SIPA1L3: variants seen among roughly 807,000 people sequenced by gnomAD.
SIPA1L3 encodes the protein signal induced proliferation associated 1 like 3.
A neutral mutation model predicts 150.1 loss-of-function variants in SIPA1L3; 59 were observed. The ratio of observed to expected loss-of-function variants is 0.39; its 90% CI spans 0.32 to 0.49. The LOEUF (loss-of-function observed/expected upper bound fraction) is 0.49. Ranked by LOEUF, SIPA1L3 falls within the 20% of genes least tolerant of loss-of-function variation. The pLI is 0.86. For missense variants in SIPA1L3, 2,211 were observed against 2,489.5 expected, an observed-to-expected ratio of 0.89 and a Z score of 2.38; for synonymous variants, 1,070 against 1,077.6, an observed-to-expected ratio of 0.99 and a Z score of 0.14.
intron 1 of SIPA1L3, among the ~76,000 whole-genome samples, chr19:37,973,534 C>CAAA (rs59279280): frequency 1.9e-5 from 1 of 51,512 alleles, no homozygotes; most frequent in Non-Finnish European, 3.4e-5. Context: ...TGTGCCTGGC[C>CAAA]AAAAAAAAAA....
chr19:38,140,960 A>G (rs1470627888), intron 10 of SIPA1L3, among the ~76,000 whole-genome samples: 1 of 148,830 alleles, frequency 6.7e-6, no homozygotes, highest in Non-Finnish European at 1.5e-5. Flanking sequence ...CAGGAGGCTG[A>G]GGCACGAGAA....
chr19:37,968,148 A>C (rs1274140267), intron 1 of SIPA1L3, among the ~76,000 whole-genome samples: 1 of 140,786 alleles, frequency 7.1e-6, no homozygotes, highest in Non-Finnish European at 1.5e-5. Context: ...ATCTCAGCTC[A>C]TGCAACCTCT....
chr19:37,980,900 G>A lies in SIPA1L3; in HGVS notation c.-378-48189G>A, dbSNP rs570751868. On this transcript the variant is annotated intron_variant, in intron 1 of 21. Coordinates refer to ENST00000222345, the MANE Select transcript of SIPA1L3 (RefSeq NM_015073.3). Reference sequence around the variant, plus strand: ...CTGGTGTCTGGGAGGTTTCAGGCCTGTTCCTCCTGCCTCCTCAGTTCTTTC... The same window carrying A: ...CTGGTGTCTGGGAGGTTTCAGGCCTATTCCTCCTGCCTCCTCAGTTCTTTC... Among the ~76,000 whole-genome samples the A allele has an allele frequency of 1.0e-3, 153 of 152,228 alleles. 1 individual carries two copies. Among genetic ancestry groups the A allele is most frequent in the Non-Finnish European group, 9.4e-4 (64 of 68,040 alleles).
chr19:37,907,992 T>TG (rs1442287313), intron 1 of SIPA1L3: 1 of 152,244 alleles, frequency 6.6e-6, no homozygotes, highest in Non-Finnish European at 1.5e-5. Context: ...TTCACCTCTC[T>TG]GTGCCTTGGT....
intron 1 of SIPA1L3, among the ~76,000 whole-genome samples, chr19:37,911,453 C>T (rs1274600280): frequency 6.6e-6 from 1 of 152,050 alleles, no homozygotes; most frequent in Non-Finnish European, 1.5e-5. Context: ...TGCAGAGAGA[C>T]CACGCTTTAT....
At chr19:38,089,845 G>T (rs959593637) in intron 4 of SIPA1L3, among the ~76,000 whole-genome samples, 21 of 152,208 alleles carry the variant, frequency 1.4e-4, no homozygotes, top group African/African-American at 5.1e-4. Flanking sequence ...TAGGGGTAGG[G>T]CAAACTTCCG....
intron 1 of SIPA1L3, among the ~76,000 whole-genome samples, chr19:37,947,840 A>G (rs561739627): frequency 1.3e-5 from 2 of 152,262 alleles, no homozygotes; most frequent in South Asian, 2.1e-4. Context: ...TTTCTTGCCA[A>G]ATCTCCCTTT....
At chr19:37,927,520 TCGTG>T (rs761107073) in intron 1 of SIPA1L3, among the ~76,000 whole-genome samples, 2 of 125,346 alleles carry the variant, frequency 1.6e-5, no homozygotes, top group Non-Finnish European at 1.7e-5. Context: ...TGTCTGTTGT[TCGTG>T]TGTGTGTGTG....
chr19:38,083,352 T>C (rs1029341027), intron 3 of SIPA1L3, among the ~76,000 whole-genome samples: 1 of 152,160 alleles, frequency 6.6e-6, no homozygotes, highest in Non-Finnish European at 1.5e-5. Flanking sequence ...TCAGCACATA[T>C]GGACTTGGGG....
chr19:38,006,599 G>A (rs1368502932), intron 1 of SIPA1L3, among the ~76,000 whole-genome samples: 2 of 152,284 alleles, frequency 1.3e-5, no homozygotes, highest in East Asian at 3.9e-4. Context: ...AAATCATGCC[G>A]AGATACTACT....
intron 1 of SIPA1L3, among the ~76,000 whole-genome samples, chr19:37,999,190 T>G (rs1000389547): frequency 6.6e-6 from 1 of 152,140 alleles, no homozygotes; most frequent in Non-Finnish European, 1.5e-5. Flanking sequence ...GGACAGATAG[T>G]GGATTTCAGG....
intron 1 of SIPA1L3, among the ~76,000 whole-genome samples, chr19:38,008,778 T>G (rs1968027184): frequency 6.6e-6 from 1 of 152,074 alleles, no homozygotes; most frequent in African/African-American, 2.4e-5. Flanking sequence ...CAGGCTGGTC[T>G]CGAACTCCTG....
At chr19:38,178,093 GTGTGTGTGTGTGTGTGTGTGT>G (rs1972478857) in intron 15 of SIPA1L3, among the ~76,000 whole-genome samples, 3 of 61,222 alleles carry the variant, frequency 4.9e-5, no homozygotes, top group African/African-American at 1.4e-4. Flanking sequence ...TTTGGTGTGT[GTGTGTGTGTGTGTGTGTGTGT>G]GTGTGTGTGT....
Position 38,193,554 on chromosome 19 carries a change from C to T in SIPA1L3, c.4614C>T (p.Gly1538=), listed in dbSNP as rs1480884590. The change falls in exon 18 of 22, where the codon GGC becomes GGT. Residue 1538 remains glycine (G), a synonymous_variant. Transcript: ENST00000222345. ...ERDTGQSPQK[G]LQRTLSDESL... The stretch of plus-strand genomic sequence containing the variant: ...CCCCACAGCAGTCACCGCAGAAGGG[C>T]CTGCAGCGGACGCTGTCGGACGAGA... The T allele has an allele frequency of 6.6e-7, 1 of 1,513,842 alleles. No homozygotes were observed. Among genetic ancestry groups the T allele is most frequent in the South Asian group, 1.3e-5 (1 of 76,948 alleles). The allele number at this position is 1,513,842 out of a possible 1,614,324, so 93.8% of individuals were successfully genotyped here.
intron 2 of SIPA1L3, among the ~76,000 whole-genome samples, chr19:38,049,808 A>G (rs1599953957): frequency 6.6e-6 from 1 of 151,066 alleles, no homozygotes; most frequent in Non-Finnish European, 1.5e-5. Flanking sequence ...GCTTCCCCAT[A>G]CCTCTCGCCA....
At chr19:37,947,396 G>A (rs1023026144) in intron 1 of SIPA1L3, among the ~76,000 whole-genome samples, 8 of 151,828 alleles carry the variant, frequency 5.3e-5, no homozygotes, top group African/African-American at 1.9e-4. Context: ...GGCTGAGACA[G>A]GAGAATTGCT....
intron 2 of SIPA1L3, among the ~76,000 whole-genome samples, chr19:38,057,796 A>G (rs897389565): frequency 4.0e-5 from 6 of 151,656 alleles, no homozygotes; most frequent in Non-Finnish European, 7.4e-5. Flanking sequence ...ACAGGCACCC[A>G]CCACCACACC....
At chr19:38,167,079 A>G (rs762532757) in intron 15 of SIPA1L3, among the ~76,000 whole-genome samples, 2 of 152,034 alleles carry the variant, frequency 1.3e-5, no homozygotes, top group Non-Finnish European at 2.9e-5. Flanking sequence ...CTGAAAATAC[A>G]AAAATTAGCT....
rs1172756671 is a variant in SIPA1L3, at chr19:38,141,051, C to CT, written c.3144-132dup. On this transcript the variant is annotated intron_variant, in intron 10 of 21. Transcript: ENST00000222345. ...CCAGCCTGGGCGACAAAGCAAGACT[C>CT]TGTCTCAAAAAAAAAAAAAAAAAAA... 1.2e-5 allele frequency: 11 copies of CT among 936,466 alleles called. No individual in the cohort carries two copies. In the East Asian group the frequency reaches 1.4e-4, roughly 12 times the overall value. 58.0% of individuals were successfully genotyped at this position (936,466 alleles called of 1,614,324 possible).
Sources: gnomAD v4.1 joint callset for allele counts (sites outside exome capture counted in the v4.1 genomes callset) on GRCh38, gnomAD v4.1.1 for gene constraint, MANE v1.5 for transcripts, NCBI Gene and HGNC (gene_info 2026-07-23, HGNC 2026-07-21) for gene names.